CPT1B: variants seen among roughly 807,000 people sequenced by gnomAD.
CPT1B encodes carnitine O-palmitoyltransferase 1, muscle isoform.
CPT1B carries 57 observed loss-of-function variants against 92.7 expected under a neutral mutation model. That is an observed-to-expected ratio of 0.62 (90% CI 0.50 to 0.77). The LOEUF (loss-of-function observed/expected upper bound fraction) is 0.77, where lower values mean the gene tolerates loss of function less well. CPT1B is among the 30% of genes least tolerant of loss of function. The pLI, the probability that CPT1B is intolerant of heterozygous loss-of-function variation, is 0.00. For synonymous variants in CPT1B, 398 were observed against 383.5 expected, an observed-to-expected ratio of 1.04 and a Z score of -0.44; for missense variants, 983 against 1,017.4, an observed-to-expected ratio of 0.97 and a Z score of 0.46.
intron 3 of CPT1B, 137 bp downstream of exon 3, chr22:50,577,187 G>C: frequency 7.3e-7 from 1 of 1,368,910 alleles, no homozygotes; most frequent in Non-Finnish European, 1.0e-6. Context: ...CTAAGACAAT[G>C]GTTGTCATAG....
At chr22:50,575,982 G>T in intron 7 of CPT1B, 53 bp downstream of exon 7, 1 of 1,562,548 alleles carries the variant, frequency 6.4e-7, no homozygotes, top group South Asian at 1.1e-5. Flanking sequence ...CCCTTGCCTT[G>T]GAGCTGGGAC....
intron 9 of CPT1B, chr22:50,574,038 C>A: frequency 1.5e-6 from 1 of 685,690 alleles, no homozygotes; most frequent in South Asian, 1.6e-5. Flanking sequence ...TGGGTGCGCC[C>A]CTCCCCTCCT....
chr22:50,570,760 G>T, intron 16 of CPT1B, 131 bp downstream of exon 16: 2 of 1,263,888 alleles, frequency 1.6e-6, no homozygotes, highest in Non-Finnish European at 2.2e-6. Flanking sequence ...GGGCGGGAAA[G>T]CTGGCCCAGC....
rs949873981 is a variant in CPT1B, at chr22:50,576,069, C to T, written c.743G>A (p.Ser248Asn). 1.4e-5 allele frequency: 23 copies of T among 1,614,052 alleles called. No individual in the cohort carries two copies. Among genetic ancestry groups the T allele is most frequent in the Non-Finnish European group, 1.9e-5 (23 of 1,180,050 alleles). Residue 248 changes from serine to asparagine, a missense_variant, in exon 7 of 20, where the codon AGC becomes AAC. Transcript: ENST00000312108. ...ATAGTTGCTGTTCACCATGAGAGGG[C>T]TCCTGCCTCGAAGGTAGATGTACTC... ...WEEYIYLRGR[S>N]PLMVNSNYYV...
In CPT1B at chr22:50,577,807, T is replaced by G. The variant is rs763458308; in HGVS notation, c.109A>C (p.Asn37His). Reference protein sequence around the residue: ...ALKHVYLSGINSWKKRLIRIK... With the variant: ...ALKHVYLSGIHSWKKRLIRIK... ...CGGATCAGGCGTTTCTTCCAGGAGT[T>G]GATCCCAGACAGGTAGACGTGTTTC... Residue 37 changes from asparagine to histidine, a missense_variant, in exon 2 of 20, where the codon AAC becomes CAC. Transcript: ENST00000312108. 3.3e-5 allele frequency: 54 copies of G among 1,613,760 alleles called. 1 individual carries two copies. In the South Asian group the frequency reaches 5.9e-4, roughly 18 times the overall value.
chr22:50,575,413 C>G (rs527577100), intron 7 of CPT1B, among the ~76,000 whole-genome samples: 1 of 152,214 alleles, frequency 6.6e-6, no homozygotes, highest in Non-Finnish European at 1.5e-5. Context: ...CTGCTATGGG[C>G]AAGTTGTGTG....
At chr22:50,569,285 G>T (rs2070037132) in intron 19 of CPT1B, 51 bp downstream of exon 19, 15 of 1,579,462 alleles carry the variant, frequency 9.5e-6, no homozygotes, top group African/African-American at 1.3e-5. Context: ...GCTGCCACAG[G>T]TCCCTTCCTC....
intron 7 of CPT1B, among the ~76,000 whole-genome samples, chr22:50,575,620 C>T (rs2070394664): frequency 6.6e-6 from 1 of 152,200 alleles, no homozygotes; most frequent in African/African-American, 2.4e-5. Context: ...GCAGCCTGGC[C>T]TCCATTCTGC....
rs764589403 is a variant in CPT1B, at chr22:50,569,467, C to A, written c.2236-46G>T. ...GATGCACCTTCAGATATGTACCCACCCCTCTGTTCCCACAAGCAAGGATGC... is the reference window on the plus strand; with the variant it reads ...GATGCACCTTCAGATATGTACCCACACCTCTGTTCCCACAAGCAAGGATGC... On this transcript the variant is annotated intron_variant, in intron 18 of 19. Coordinates refer to ENST00000312108, the MANE Select transcript of CPT1B (RefSeq NM_152246.3). The A allele has an allele frequency of 5.6e-6, 9 of 1,610,284 alleles. No individual in the cohort carries two copies. The African/African-American group carries it at 1.2e-4, about 22-fold the overall frequency.
rs144768302 is a variant in CPT1B, at chr22:50,577,277, C to T, written c.281+47G>A. The T allele has an allele frequency of 1.5e-3, 2,367 of 1,607,594 alleles. 27 individuals are homozygous for T. In the African/African-American group the frequency reaches 0.026, roughly 18 times the overall value. ...GGAACCTCAGCCTTGGGAGCTGGGC[C>T]CAGCCCTCCCTGGTGGCACCTGTGC... On this transcript the variant is annotated intron_variant, in intron 3 of 19. Coordinates refer to ENST00000312108, the MANE Select transcript of CPT1B (RefSeq NM_152246.3).
chr22:50,575,586 C>T (rs2146634126), intron 7 of CPT1B, among the ~76,000 whole-genome samples: 1 of 152,328 alleles, frequency 6.6e-6, no homozygotes, highest in African/African-American at 2.4e-5. Context: ...CAGAGGCAGA[C>T]TGACTTCCTG....
chr22:50,574,619 C>T lies in CPT1B; in HGVS notation c.778-19G>A, dbSNP rs762358499. Reference sequence around the variant, plus strand: ...CAAGGTCCTACAGAGGAACAGAGCCCGCGGGGTGGGGGCCTCTGTCTGGGT... The same window carrying T: ...CAAGGTCCTACAGAGGAACAGAGCCTGCGGGGTGGGGGCCTCTGTCTGGGT... On this transcript the variant is annotated intron_variant, in intron 7 of 19. Coordinates refer to ENST00000312108, the MANE Select transcript of CPT1B (RefSeq NM_152246.3). The T allele has an allele frequency of 1.8e-5, 29 of 1,608,918 alleles. No homozygotes were observed. The East Asian group carries it at 4.0e-4, about 22-fold the overall frequency.
chr22:50,572,512 G>A (rs989661507), intron 11 of CPT1B, among the ~76,000 whole-genome samples: 1 of 151,688 alleles, frequency 6.6e-6, no homozygotes, highest in Admixed American at 6.6e-5. Flanking sequence ...AACCTCCCGG[G>A]TTCAAGGGCT....
intron 16 of CPT1B, among the ~76,000 whole-genome samples, 174 bp from the exon 17 acceptor site, chr22:50,570,580 C>T (rs908730037): frequency 4.6e-5 from 7 of 152,178 alleles, no homozygotes; most frequent in African/African-American, 1.4e-4. Flanking sequence ...TGTGAGCTGC[C>T]CAGCCCTCCC....
chr22:50,571,812 G>C (rs986711075), intron 13 of CPT1B, 194 bp downstream of exon 13: 20 of 682,860 alleles, frequency 2.9e-5, no homozygotes, highest in Non-Finnish European at 5.1e-5. Flanking sequence ...GATGGCCCCA[G>C]GGGCGGTGGG....
At position 50,570,087 on chromosome 22, in the gene CPT1B, T is replaced by G. The variant is rs113547371; in HGVS notation, c.2142+206A>C. ...GTACCCCGGAAACCACGGTCATGCT[T>G]CAGCAGGGAGGTATTTGGGATGGGT... On this transcript the variant is annotated intron_variant, in intron 17 of 19. Transcript: ENST00000312108. 9.1e-3 allele frequency among the ~76,000 whole-genome samples: 1,379 copies of G among 152,300 alleles called. 25 individuals carry two copies. The highest frequency in any genetic ancestry group is 0.032 in the African/African-American group (1,324 of 41,562).
Position 50,573,433 on chromosome 22 carries a change from G to T in CPT1B, c.1166+87C>A. The T allele has an allele frequency of 8.1e-7, 1 of 1,239,180 alleles. No individual in the cohort carries two copies. Among genetic ancestry groups the T allele is most frequent in the Non-Finnish European group, 1.1e-6 (1 of 891,218 alleles). 76.8% of individuals were successfully genotyped at this position (1,239,180 alleles called of 1,614,324 possible). ...CCCCTAGTTGTGCCTCCAGCCTCCAGTTCCAGGGTGGCAGGCAGGGCCACG... is the reference window on the plus strand; with the variant it reads ...CCCCTAGTTGTGCCTCCAGCCTCCATTTCCAGGGTGGCAGGCAGGGCCACG... On this transcript the variant is annotated intron_variant, in intron 10 of 19. Coordinates refer to ENST00000312108, the MANE Select transcript of CPT1B (RefSeq NM_152246.3). The surrounding 1 kb of genome is among the most constrained non-coding windows in gnomAD (Gnocchi z 5.0).
Position 50,577,889 on chromosome 22 carries a change from G to A in CPT1B, c.27C>T (p.Ala9=), listed in dbSNP as rs750890605. ...CGTCTGGGGTCACCGTGAACTGGAA[G>A]GCCACGGCCTGGTGAGCTTCCGCCA... MAEAHQAV[A]FQFTVTPDGV... is the part of the protein sequence containing the mutation. The change falls in exon 2 of 20, where the codon GCC becomes GCT. Residue 9 remains alanine (A), a synonymous_variant. Transcript: ENST00000312108. 5 of 1,612,462 alleles carry A rather than the reference G, an allele frequency of 3.1e-6. No individual in the cohort carries two copies. The African/African-American group carries it at 4.0e-5, about 13-fold the overall frequency.
Position 50,573,024 on chromosome 22 carries a change from G to A in CPT1B, c.1203C>T (p.Ser401=), listed in dbSNP as rs200392450. 1.9e-6 allele frequency: 3 copies of A among 1,608,782 alleles called. No homozygotes were observed. Among genetic ancestry groups the A allele is most frequent in the East Asian group, 4.5e-5 (2 of 44,648 alleles). The change falls in exon 11 of 20, where the codon AGC becomes AGT. Residue 401 remains serine, a synonymous_variant. Transcript: ENST00000312108. This position sits in a 1 kb window ranked among gnomAD's most constrained non-coding sequence, Gnocchi z 5.0. ...EWAQARQAFF[S]SGKNKAALEA... ...CCAAGGCAGCCTTATTCTTTCCAGA[G>A]CTAAAGAAGGCCTGGCGTGCCTGCG... is the stretch of plus-strand genomic sequence containing the variant.
Sources: gnomAD v4.1 joint callset for allele counts (sites outside exome capture counted in the v4.1 genomes callset) on GRCh38, gnomAD v4.1.1 for gene constraint, Gnocchi (gnomAD v3.1) non-coding constraint, MANE v1.5 for transcripts, NCBI Gene and HGNC (gene_info 2026-07-23, HGNC 2026-07-21) for gene names.